BRINP3: variants seen among roughly 807,000 people sequenced by gnomAD.
The protein encoded by BRINP3 is BMP/retinoic acid-inducible neural-specific protein 3.
In BRINP3, 19 loss-of-function variants were observed where a neutral mutation model predicts 71.0. That is an observed-to-expected ratio of 0.27 (90% confidence interval 0.19 to 0.39). The LOEUF (loss-of-function observed/expected upper bound fraction) is 0.39. Among genes scored for constraint, BRINP3 ranks in the 10% least tolerant of loss-of-function variants. The pLI, the probability that BRINP3 is intolerant of heterozygous loss-of-function variation, is 1.00. For synonymous variants in BRINP3, 380 were observed against 337.7 expected (o/e 1.13, Z -1.37); for missense variants, 959 against 940.8 (o/e 1.02, Z -0.25).
At chr1:190,179,214 G>T (rs956184811) in intron 6 of BRINP3, among the ~76,000 whole-genome samples, 1 of 152,030 alleles carries the variant, frequency 6.6e-6, no homozygotes, top group African/African-American at 2.4e-5. Context: ...TTTAGCTAGT[G>T]GCTTTCTGGA....
intron 3 of BRINP3, among the ~76,000 whole-genome samples, chr1:190,278,884 A>G (rs1394419441): frequency 6.6e-6 from 1 of 151,640 alleles, no homozygotes; most frequent in Non-Finnish European, 1.5e-5. Context: ...ATGCAAAACA[A>G]AAACGAATCT....
At chr1:190,462,477 T>C (rs570068053) in intron 1 of BRINP3, among the ~76,000 whole-genome samples, 2 of 151,984 alleles carry the variant, frequency 1.3e-5, no homozygotes, top group East Asian at 1.9e-4. Context: ...AGAATAATAA[T>C]AAAGAAACAG....
chr1:190,272,097 AT>A (rs1352605059), intron 3 of BRINP3, among the ~76,000 whole-genome samples: 1 of 151,514 alleles, frequency 6.6e-6, no homozygotes, highest in Non-Finnish European at 1.5e-5. Context: ...TCTACAGGAG[AT>A]TTAAAAGTCT....
intron 7 of BRINP3, among the ~76,000 whole-genome samples, chr1:190,118,390 AT>A (rs1653329441): frequency 6.6e-6 from 1 of 152,110 alleles, no homozygotes; most frequent in Non-Finnish European, 1.5e-5. Flanking sequence ...TTATACTTTA[AT>A]TTTTAATAAA....
At chr1:190,454,080 C>T (rs890236566) in intron 2 of BRINP3, among the ~76,000 whole-genome samples, 2 of 152,180 alleles carry the variant, frequency 1.3e-5, no homozygotes, top group Non-Finnish European at 2.9e-5. Flanking sequence ...AGATTTTAAA[C>T]ATAGAACATT....
At chr1:190,401,905 A>G (rs1671953257) in intron 2 of BRINP3, among the ~76,000 whole-genome samples, 1 of 152,038 alleles carries the variant, frequency 6.6e-6, no homozygotes, top group African/African-American at 2.4e-5. Context: ...CCATTCAAAA[A>G]CATTTCCTAT....
At chr1:190,112,008 T>C (rs1419606585) in intron 7 of BRINP3, among the ~76,000 whole-genome samples, 1 of 152,104 alleles carries the variant, frequency 6.6e-6, no homozygotes, top group Non-Finnish European at 1.5e-5. Context: ...GCAGGCCATA[T>C]AGTTGGAACT....
chr1:190,168,383 C>G (rs1456328334), intron 6 of BRINP3, among the ~76,000 whole-genome samples: 1 of 152,044 alleles, frequency 6.6e-6, no homozygotes, highest in Admixed American at 6.6e-5. Flanking sequence ...ATATTCAACT[C>G]GAATGGTGAG....
chr1:190,388,418 T>C (rs188349370), intron 2 of BRINP3, among the ~76,000 whole-genome samples: 85 of 151,886 alleles, frequency 5.6e-4, no homozygotes, highest in Non-Finnish European at 9.4e-4. Flanking sequence ...ACTGAATTAG[T>C]GTGGGCAGTA....
chr1:190,462,016 G>T (rs933781219), intron 1 of BRINP3, among the ~76,000 whole-genome samples: 1 of 152,046 alleles, frequency 6.6e-6, no homozygotes, highest in Non-Finnish European at 1.5e-5. Flanking sequence ...CAGTTCAGGC[G>T]ATTCTCCTGC....
chr1:190,288,601 G>T (rs1663616184), intron 2 of BRINP3, among the ~76,000 whole-genome samples: 1 of 151,816 alleles, frequency 6.6e-6, no homozygotes. Context: ...TAATAAAACT[G>T]ATACAGGAGA....
chr1:190,406,475 T>C (rs1196147776), intron 2 of BRINP3, among the ~76,000 whole-genome samples: 1 of 152,234 alleles, frequency 6.6e-6, no homozygotes, highest in Non-Finnish European at 1.5e-5. Flanking sequence ...ACAGATCAGA[T>C]TTCAATCTCA....
chr1:190,133,506 C>T (rs1355495866), intron 7 of BRINP3, among the ~76,000 whole-genome samples: 1 of 151,918 alleles, frequency 6.6e-6, no homozygotes, highest in Non-Finnish European at 1.5e-5. Flanking sequence ...TTTGGAATCA[C>T]ATCATGAGGG....
intron 4 of BRINP3, among the ~76,000 whole-genome samples, chr1:190,260,188 G>T (rs1479661295): frequency 3.3e-5 from 5 of 151,960 alleles, no homozygotes; most frequent in Non-Finnish European, 5.9e-5. Flanking sequence ...GCACAAAGTT[G>T]CAGTTATATA....
intron 1 of BRINP3, among the ~76,000 whole-genome samples, chr1:190,455,794 G>A (rs1675943910): frequency 6.6e-6 from 1 of 152,026 alleles, no homozygotes. Flanking sequence ...CTTTGAAACT[G>A]CATACATTGT....
chr1:190,160,745 C>T lies in BRINP3; in HGVS notation c.1107G>A (p.Ala369=), dbSNP rs144839769. 6.0e-5 allele frequency: 97 copies of T among 1,613,324 alleles called. No individual in the cohort carries two copies. The African/African-American group carries it at 8.1e-4, about 14-fold the overall frequency. The change falls in exon 7 of 8, where the codon GCG becomes GCA. Residue 369 remains alanine, a synonymous_variant. Transcript: ENST00000367462. ...TAAAAAGCTTGTGTACAATTTTCTG[C>T]GCCTTTAGGAAAAGTTGTTTCATGC... ...ENSMKQLFLK[A]QKIVHKLFSL...
chr1:190,458,517 A>G (rs1676161516), intron 1 of BRINP3, among the ~76,000 whole-genome samples: 1 of 152,074 alleles, frequency 6.6e-6, no homozygotes, highest in Non-Finnish European at 1.5e-5. Flanking sequence ...ACAAAAGTAG[A>G]TCATTGTACA....
intron 2 of BRINP3, among the ~76,000 whole-genome samples, chr1:190,454,211 A>T (rs936232971): frequency 2.0e-5 from 3 of 152,180 alleles, no homozygotes; most frequent in African/African-American, 7.2e-5. Context: ...CTGAACGTAC[A>T]ATTACCTTTC....
intron 7 of BRINP3, among the ~76,000 whole-genome samples, chr1:190,110,294 C>T (rs1302104030): frequency 6.6e-6 from 1 of 152,054 alleles, no homozygotes; most frequent in African/African-American, 2.4e-5. Context: ...TATTATCTAT[C>T]ATGTTACTAG....
Sources: allele counts gnomAD v4.1 joint callset (sites outside exome capture counted in the v4.1 genomes callset), GRCh38; gene constraint gnomAD v4.1.1; transcripts MANE v1.5; gene names NCBI Gene and HGNC (gene_info 2026-07-23, HGNC 2026-07-21).